SCEL: variants seen among roughly 807,000 people sequenced by gnomAD.
The protein encoded by SCEL is sciellin.
Under a neutral mutation model 117.6 loss-of-function variants are expected in SCEL, and 113 were observed. The observed-to-expected ratio is 0.96, with a 90% CI of 0.83 to 1.12. The LOEUF is 1.12. SCEL is among the 50% of genes most tolerant of loss of function. The probability of loss-of-function intolerance (pLI) is 0.00; values close to 1 mark genes in which losing one functional copy is unlikely to be tolerated. For missense variants in SCEL, 785 were observed against 810.8 expected, an observed-to-expected ratio of 0.97 and a Z score of 0.39; for synonymous variants, 270 against 256.2, an observed-to-expected ratio of 1.05 and a Z score of -0.51.
chr13:77,605,517 A>C (rs548015628), intron 19 of SCEL, among the ~76,000 whole-genome samples: 2 of 152,154 alleles, frequency 1.3e-5, no homozygotes, highest in East Asian at 1.9e-4. Context: ...CTTGCTGACT[A>C]TCTCCCTGTG....
At chr13:77,544,529 G>A (rs1303939951) in intron 1 of SCEL, among the ~76,000 whole-genome samples, 2 of 152,204 alleles carry the variant, frequency 1.3e-5, no homozygotes, top group African/African-American at 4.8e-5. Flanking sequence ...ACTGGGACAG[G>A]AAGAGCTGGG....
At chr13:77,599,410 A>G (rs941786256) in intron 14 of SCEL, 22 bp downstream of exon 14, 2 of 1,596,128 alleles carry the variant, frequency 1.3e-6, no homozygotes, top group Non-Finnish European at 1.7e-6. Context: ...TGTCTCAAAT[A>G]TGAAAATCTT....
chr13:77,588,879 G>A (rs988366941), intron 9 of SCEL, among the ~76,000 whole-genome samples: 1 of 152,128 alleles, frequency 6.6e-6, no homozygotes. Flanking sequence ...GTTATTTAAA[G>A]AACATAGTAT....
chr13:77,610,021 C>T (rs2088520588), intron 21 of SCEL, 26 bp from the exon 22 acceptor site: 4 of 1,550,772 alleles, frequency 2.6e-6, no homozygotes, highest in Middle Eastern at 1.7e-4. Flanking sequence ...AAATCTACCA[C>T]TGATCTGATT....
intron 8 of SCEL, among the ~76,000 whole-genome samples, chr13:77,570,631 T>C (rs534311078): frequency 6.6e-6 from 1 of 152,312 alleles, no homozygotes; most frequent in Admixed American, 6.5e-5. Context: ...CTTTCCTGTC[T>C]GCCTTTTCTT....
Position 77,612,955 on chromosome 13 carries a change from G to T in SCEL, c.1388+14G>T. 1 of 1,487,932 alleles carries T rather than the reference G, an allele frequency of 6.7e-7. No individual in the cohort carries two copies. Among genetic ancestry groups the T allele is most frequent in the Non-Finnish European group, 9.2e-7 (1 of 1,091,088 alleles). The allele number at this position is 1,487,932 out of a possible 1,614,324, so 92.2% of individuals were successfully genotyped here. A position where few individuals can be genotyped will look rare whatever the true frequency, so the allele number is the denominator to read the frequency against. Reference sequence around the variant, plus strand: ...AGCAAACAAAAGGTAAACTTATTAAGATAATTGAAGACTTCTTAGCAAGTC... The same window carrying T: ...AGCAAACAAAAGGTAAACTTATTAATATAATTGAAGACTTCTTAGCAAGTC... On this transcript the variant is annotated intron_variant, in intron 23 of 32. Transcript: ENST00000349847.
intron 8 of SCEL, 24 bp downstream of exon 8, chr13:77,569,475 C>T (rs757488582): frequency 7.7e-6 from 12 of 1,561,252 alleles, no homozygotes; most frequent in Non-Finnish European, 1.1e-5. Flanking sequence ...ACTGTGTCTA[C>T]CTCTTGCTGA....
In SCEL at chr13:77,556,708, A is replaced by G. The variant is rs1328438921; in HGVS notation, c.156A>G (p.Glu52=). The change falls in exon 3 of 33, where the codon GAA becomes GAG. Residue 52 remains glutamate (E), a synonymous_variant. Coordinates refer to ENST00000349847, the MANE Select transcript of SCEL (RefSeq NM_144777.3). The part of the protein sequence containing the change: ...DNSWIKKRPE[E]EKDENYGRVV... ...GTTGGATAAAGAAACGCCCTGAAGAAGAAAAGTAAGCTGGTGTGGAGCGTG... is the reference window on the plus strand; with the variant it reads ...GTTGGATAAAGAAACGCCCTGAAGAGGAAAAGTAAGCTGGTGTGGAGCGTG... The G allele has an allele frequency of 1.9e-6, 3 of 1,609,824 alleles. No homozygotes were observed. The African/African-American group carries it at 4.0e-5, about 22-fold the overall frequency.
chr13:77,625,374 C>G (rs556016568), intron 27 of SCEL, among the ~76,000 whole-genome samples: 1 of 152,248 alleles, frequency 6.6e-6, no homozygotes, highest in African/African-American at 2.4e-5. Context: ...TCCCAAGACT[C>G]TAGTCACTAT....
rs550703104 is a variant in SCEL, at chr13:77,600,700, C to T, written c.917+952C>T. Among the ~76,000 whole-genome samples the T allele has an allele frequency of 1.2e-4, 18 of 151,992 alleles. No individual in the cohort carries two copies. In the South Asian group the frequency reaches 3.7e-3, roughly 32 times the overall value. On this transcript the variant is annotated intron_variant, in intron 15 of 32. Transcript: ENST00000349847. ...TTTTTCTTGTTGAAAGAAACCAAAG[C>T]CGTGACCATTTCACTAGAGAAAATC...
At chr13:77,556,761 C>T (rs949793561) in intron 3 of SCEL, 48 bp downstream of exon 3, 3 of 1,272,844 alleles carry the variant, frequency 2.4e-6, no homozygotes, top group East Asian at 2.3e-5. Flanking sequence ...CAGAGAGAGG[C>T]ATTATCTGTT....
chr13:77,577,058 G>C (rs1187459053), intron 9 of SCEL, among the ~76,000 whole-genome samples: 1 of 152,108 alleles, frequency 6.6e-6, no homozygotes, highest in East Asian at 1.9e-4. Flanking sequence ...GGGTTTTCTA[G>C]ATATAGGATC....
At chr13:77,568,364 CT>C in intron 7 of SCEL, 31 bp downstream of exon 7, 1 of 1,382,720 alleles carries the variant, frequency 7.2e-7, no homozygotes. Flanking sequence ...TAGTATATTT[CT>C]TTTTATGTAT....
chr13:77,644,338 TTAA>T lies in SCEL; in HGVS notation c.*70_*72del, dbSNP rs2090698981. ...AGGAATTAAAGTTACAAGTTTTATC[TTAA>T]TAATATGTAATCTAGAAAAGCTTTC... On this transcript the variant is annotated 3_prime_UTR_variant, in exon 33 of 33. Transcript: ENST00000349847. 6.6e-7 allele frequency: 1 copy of T among 1,505,264 alleles called. No individual in the cohort carries two copies. Among genetic ancestry groups the T allele is most frequent in the Admixed American group, 1.7e-5 (1 of 58,076 alleles). 93.2% of individuals were successfully genotyped at this position (1,505,264 alleles called of 1,614,324 possible). A position where few individuals can be genotyped will look rare whatever the true frequency, so the allele number is the denominator to read the frequency against.
At chr13:77,603,272 C>G in intron 18 of SCEL, 137 bp downstream of exon 18, 2 of 454,612 alleles carry the variant, frequency 4.4e-6, no homozygotes, top group Non-Finnish European at 3.9e-6. Flanking sequence ...ACGACCATCC[C>G]TCCTTATCCC....
chr13:77,541,241 A>G (rs553141052), intron 1 of SCEL, among the ~76,000 whole-genome samples: 1 of 150,742 alleles, frequency 6.6e-6, no homozygotes, highest in Non-Finnish European at 1.5e-5. Context: ...TAAAATAAGA[A>G]AGAAAATGCC....
At chr13:77,565,152 A>T (rs1659812389) in intron 5 of SCEL, among the ~76,000 whole-genome samples, 1 of 152,188 alleles carries the variant, frequency 6.6e-6, no homozygotes, top group African/African-American at 2.4e-5. Context: ...GCCAGCCGAG[A>T]TACAGCCTAG....
chr13:77,552,451 G>A lies in SCEL; in HGVS notation c.-19-3406G>A, dbSNP rs1235031310. 1.9e-3 allele frequency among the ~76,000 whole-genome samples: 292 copies of A among 151,918 alleles called. 1 individual carries two copies. The highest frequency in any genetic ancestry group is 6.1e-3 in the African/African-American group (254 of 41,318). ...TGCATTTCTCTGATGGCCAGTGATA[G>A]TGAGCATTTTTTCATGTGTTTTTTG... On this transcript the variant is annotated intron_variant, in intron 1 of 32. Coordinates refer to ENST00000349847, the MANE Select transcript of SCEL (RefSeq NM_144777.3).
chr13:77,572,334 GT>G (rs1202536749), intron 9 of SCEL, 145 bp downstream of exon 9: 3 of 641,778 alleles, frequency 4.7e-6, no homozygotes, highest in Non-Finnish European at 8.0e-6. Flanking sequence ...GTGTCCAGTG[GT>G]TGTAAGGTCA....
Sources: allele counts gnomAD v4.1 joint callset (sites outside exome capture counted in the v4.1 genomes callset), GRCh38; gene constraint gnomAD v4.1.1; transcripts MANE v1.5; gene names NCBI Gene and HGNC (gene_info 2026-07-23, HGNC 2026-07-21).